Variants in TBCE observed in about 807,000 individuals in gnomAD.
TBCE encodes the protein tubulin folding cofactor E, also known as tubulin-specific chaperone E.
In TBCE, 53 loss-of-function variants were observed where a neutral mutation model predicts 77.0. The ratio of observed to expected loss-of-function variants is 0.69; its 90% CI spans 0.55 to 0.87. TBCE has a LOEUF of 0.87. Among genes scored for constraint, TBCE ranks in the 40% least tolerant of loss-of-function variants. The pLI, the probability that TBCE is intolerant of heterozygous loss-of-function variation, is 0.00. For missense variants in TBCE, 624 were observed against 622.4 expected (o/e 1.00, Z -0.03); for synonymous variants, 235 against 241.3 (o/e 0.97, Z 0.24).
At chr1:235,425,891 G>T (rs1680682941) in intron 5 of TBCE, among the ~76,000 whole-genome samples, 1 of 152,104 alleles carries the variant, frequency 6.6e-6, no homozygotes, top group South Asian at 2.1e-4. Flanking sequence ...CCTGGGCACT[G>T]CATATAGAAC....
intron 6 of TBCE, among the ~76,000 whole-genome samples, chr1:235,428,950 TA>T (rs1307411459): frequency 1.4e-5 from 2 of 147,242 alleles, no homozygotes; most frequent in Non-Finnish European, 3.0e-5. Context: ...CTTATGTATG[TA>T]TGTATATATG....
chr1:235,432,889 TTATATAA>T (rs1331119866), intron 7 of TBCE: 14 of 657,630 alleles, frequency 2.1e-5, no homozygotes, highest in Non-Finnish European at 2.8e-5. Flanking sequence ...TTATACATAA[TTATATAA>T]TATATAATAA....
rs1682737561 is a variant in TBCE, at chr1:235,449,216, T to TAAC, written c.*457_*459dup. On this transcript the variant is annotated 3_prime_UTR_variant, in exon 17 of 17. Coordinates refer to ENST00000642610, the MANE Select transcript of TBCE (RefSeq NM_003193.5). The stretch of plus-strand genomic sequence containing the variant: ...TTGGGGAGACATCCTCTACTATGTA[T>TAAC]AACAATATGCTATTATCTGTCTTCT... 4.6e-6 allele frequency: 1 copy of TAAC among 215,946 alleles called. No individual in the cohort carries two copies. Among genetic ancestry groups the TAAC allele is most frequent in the Admixed American group, 5.3e-5 (1 of 18,900 alleles). The allele number at this position is 215,946 out of a possible 1,614,324, so 13.4% of individuals were successfully genotyped here.
chr1:235,368,643 C>T (rs115121114), intron 1 of TBCE, among the ~76,000 whole-genome samples: 3,594 of 147,830 alleles, frequency 0.024, 95 homozygotes, highest in African/African-American at 0.066. Flanking sequence ...ACTGCAACCA[C>T]GCCTCCCAGG....
chr1:235,372,855 C>T (rs1290413852), intron 1 of TBCE, among the ~76,000 whole-genome samples: 4 of 140,214 alleles, frequency 2.9e-5, no homozygotes, highest in Admixed American at 2.3e-4. Flanking sequence ...ACCCGGGAGG[C>T]GGAGCTTGCA....
chr1:235,407,562 T>C (rs1354311131), intron 3 of TBCE, among the ~76,000 whole-genome samples: 1 of 152,116 alleles, frequency 6.6e-6, no homozygotes, highest in Non-Finnish European at 1.5e-5. Context: ...AAAACTGGCT[T>C]CAGGTTACAA....
At chr1:235,421,663 A>C (rs1680406670) in intron 5 of TBCE, among the ~76,000 whole-genome samples, 1 of 152,094 alleles carries the variant, frequency 6.6e-6, no homozygotes, top group Non-Finnish European at 1.5e-5. Flanking sequence ...GAGTGAGGTC[A>C]TGCCATTGCA....
chr1:235,428,005 G>C (rs572232603), intron 6 of TBCE, among the ~76,000 whole-genome samples: 1 of 151,882 alleles, frequency 6.6e-6, no homozygotes, highest in East Asian at 1.9e-4. Context: ...ACTCCAGCCT[G>C]GGTGATAGAG....
At chr1:235,437,532 C>T in intron 12 of TBCE, 58 bp downstream of exon 12, 4 of 1,596,392 alleles carry the variant, frequency 2.5e-6, no homozygotes, top group Non-Finnish European at 3.4e-6. Context: ...TGATTTTAGG[C>T]CAGGCGCCGT....
rs375709037 is a variant in TBCE, at chr1:235,435,742, C to T, written c.738-3C>T. ...CGGTGAAAAAATTTTATTTTCCATACAGGCCAACAGATGTTCTCCAGACAG... is the reference window on the plus strand; with the variant it reads ...CGGTGAAAAAATTTTATTTTCCATATAGGCCAACAGATGTTCTCCAGACAG... On this transcript the variant is annotated splice_region_variant and splice_polypyrimidine_tract_variant and intron_variant, in intron 8 of 16. Transcript: ENST00000642610. 66 of 1,613,124 alleles carry T rather than the reference C, an allele frequency of 4.1e-5. No homozygotes were observed. In the African/African-American group the frequency reaches 7.5e-4, roughly 18 times the overall value.
At chr1:235,395,769 T>C (rs1056844967) in intron 2 of TBCE, among the ~76,000 whole-genome samples, 4 of 151,878 alleles carry the variant, frequency 2.6e-5, no homozygotes, top group Admixed American at 2.6e-4. Context: ...GCTCTCGAAC[T>C]CCTGACCTCA....
At chr1:235,445,533 G>A (rs531516531) in intron 15 of TBCE, among the ~76,000 whole-genome samples, 2 of 152,268 alleles carry the variant, frequency 1.3e-5, no homozygotes, top group East Asian at 1.9e-4. Context: ...CTGCTTGGGC[G>A]GCTGAGGTGG....
At chr1:235,432,671 A>G (rs1681173756) in intron 7 of TBCE, among the ~76,000 whole-genome samples, 1 of 152,194 alleles carries the variant, frequency 6.6e-6, no homozygotes, top group East Asian at 1.9e-4. Flanking sequence ...GGAAGGGCAC[A>G]CAGAAATTGA....
intron 3 of TBCE, among the ~76,000 whole-genome samples, chr1:235,402,760 G>A (rs1253661445): frequency 1.3e-5 from 2 of 152,022 alleles, no homozygotes; most frequent in African/African-American, 4.8e-5. Context: ...GAGTAGCTGG[G>A]ACTACAGGCG....
At chr1:235,438,007 G>A (rs775497677) in intron 12 of TBCE, among the ~76,000 whole-genome samples, 17 of 152,078 alleles carry the variant, frequency 1.1e-4, no homozygotes, top group African/African-American at 3.1e-4. Flanking sequence ...ACCAGGCACC[G>A]TCTCCATGTT....
intron 3 of TBCE, among the ~76,000 whole-genome samples, chr1:235,411,552 T>G (rs981295053): frequency 1.3e-5 from 2 of 152,094 alleles, no homozygotes; most frequent in African/African-American, 4.8e-5. Flanking sequence ...GGAAAGAATT[T>G]GAGGGGAATC....
chr1:235,382,136 A>T lies in TBCE; in HGVS notation c.100+1987A>T, dbSNP rs562780380. Reference sequence around the variant, plus strand: ...AATTTCATCCATGTCCCTATAAAGGACATGAACTCATCATTTTTTATGGCT... The same window carrying T: ...AATTTCATCCATGTCCCTATAAAGGTCATGAACTCATCATTTTTTATGGCT... On this transcript the variant is annotated intron_variant, in intron 2 of 16. Coordinates refer to ENST00000642610, the MANE Select transcript of TBCE (RefSeq NM_003193.5). 9.7e-3 allele frequency among the ~76,000 whole-genome samples: 1,473 copies of T among 151,530 alleles called. 7 individuals are homozygous for T. Among genetic ancestry groups the T allele is most frequent in the Non-Finnish European group, 0.016 (1,054 of 67,890 alleles).
rs1191963263 is a variant in TBCE at position 235,392,455 on chromosome 1, G to A, written c.101-9048G>A. Among the ~76,000 whole-genome samples the A allele has an allele frequency of 4.9e-5, 7 of 142,736 alleles. No homozygotes were observed. The East Asian group carries it at 1.2e-3, about 25-fold the overall frequency. The allele number at this position is 142,736 out of a possible 152,430, so 93.6% of individuals were successfully genotyped here. On this transcript the variant is annotated intron_variant, in intron 2 of 16. Transcript: ENST00000642610. ...GACAGAGTCTCGCTCTTGTTGCCCAGGCTGGAGTGCAGTGGTGGGATCTTG... is the reference window on the plus strand; with the variant it reads ...GACAGAGTCTCGCTCTTGTTGCCCAAGCTGGAGTGCAGTGGTGGGATCTTG...
intron 2 of TBCE, among the ~76,000 whole-genome samples, chr1:235,390,363 A>G (rs1201082345): frequency 6.6e-6 from 1 of 152,156 alleles, no homozygotes; most frequent in Non-Finnish European, 1.5e-5. Context: ...AATTAGAATT[A>G]TAGATGGAAT....
Sources: gnomAD v4.1 joint callset for allele counts (sites outside exome capture counted in the v4.1 genomes callset) on GRCh38, gnomAD v4.1.1 for gene constraint, MANE v1.5 for transcripts, NCBI Gene and HGNC (gene_info 2026-07-23, HGNC 2026-07-21) for gene names.